The following HNRNPUL2 variants were observed in gnomAD, a reference collection of about 807,000 sequenced individuals.
The protein encoded by HNRNPUL2 is heterogeneous nuclear ribonucleoprotein U-like protein 2.
A neutral mutation model predicts 102.2 loss-of-function variants in HNRNPUL2; 27 were observed. The ratio of observed to expected loss-of-function variants is 0.26; its 90% CI spans 0.19 to 0.36. The LOEUF (loss-of-function observed/expected upper bound fraction) is 0.36, where lower values mean the gene tolerates loss of function less well. Among genes scored for constraint, HNRNPUL2 ranks in the 10% least tolerant of loss-of-function variants. HNRNPUL2 has a pLI of 1.00. For missense variants in HNRNPUL2, 936 were observed against 981.1 expected (o/e 0.95, Z 0.61); for synonymous variants, 458 against 387.2 (o/e 1.18, Z -2.15).
At chr11:62,724,021 T>C (rs1017703732) in intron 2 of HNRNPUL2, 31 bp from the exon 3 acceptor site, 18 of 1,563,264 alleles carry the variant, frequency 1.2e-5, no homozygotes, top group Admixed American at 3.4e-5. Context: ...AGAAACACAA[T>C]GTAAACAAAG....
chr11:62,719,106 G>A (rs2083681793), intron 10 of HNRNPUL2, among the ~76,000 whole-genome samples: 1 of 152,032 alleles, frequency 6.6e-6, no homozygotes, highest in Admixed American at 6.6e-5. Flanking sequence ...GATTACAGGC[G>A]TCAGCCACCG....
chr11:62,717,618 G>A (rs1402968681), intron 10 of HNRNPUL2, among the ~76,000 whole-genome samples: 1 of 152,244 alleles, frequency 6.6e-6, no homozygotes, highest in Non-Finnish European at 1.5e-5. Context: ...CATTTTGGGA[G>A]GCCAAGGCAG....
At chr11:62,725,861 T>G (rs1379496505) in intron 1 of HNRNPUL2, among the ~76,000 whole-genome samples, 1 of 152,172 alleles carries the variant, frequency 6.6e-6, no homozygotes, top group Non-Finnish European at 1.5e-5. Flanking sequence ...CCTCAGTCAT[T>G]ACCATTCAGG....
Position 62,715,951 on chromosome 11 carries a change from G to T in HNRNPUL2, c.1982-14C>A. 1.3e-6 allele frequency: 2 copies of T among 1,586,904 alleles called. No homozygotes were observed. The highest frequency in any genetic ancestry group is 8.6e-7 in the Non-Finnish European group (1 of 1,164,540). ...GCTGCCCGCCCACTGGAAGAGAAAT[G>T]GAGAGCGCGCTCAGACAGCTGGCAT... On this transcript the variant is annotated splice_polypyrimidine_tract_variant and intron_variant, in intron 11 of 13. Transcript: ENST00000301785.
chr11:62,715,520 A>G lies in HNRNPUL2; in HGVS notation c.2143T>C (p.Tyr715His). 6.2e-7 allele frequency: 1 copy of G among 1,611,590 alleles called. No individual in the cohort carries two copies. The highest frequency in any genetic ancestry group is 8.5e-7 in the Non-Finnish European group (1 of 1,177,906). The change falls in exon 13 of 14, where the codon TAC becomes CAC. Residue 715 changes from tyrosine to histidine, a missense_variant. Transcript: ENST00000301785. ...DYEYNRYRDY[Y>H]RQYNRDWQSY... The stretch of plus-strand genomic sequence containing the variant: ...CTCACATCCCGATTGTATTGTCTGT[A>G]ATAGTCTCTGTATCTGTTGTACTCA...
In HNRNPUL2 at chr11:62,712,948, T is replaced by A. The variant is rs1176456894; in HGVS notation, c.*2351A>T. 1 of 152,200 alleles carries A rather than the reference T, an allele frequency of 6.6e-6. No individual in the cohort carries two copies. Among genetic ancestry groups the A allele is most frequent in the African/African-American group, 2.4e-5 (1 of 41,442 alleles). The allele number at this position is 152,200 out of a possible 1,614,324, so 9.4% of individuals were successfully genotyped here. On this transcript the variant is annotated 3_prime_UTR_variant, in exon 14 of 14. Coordinates refer to ENST00000301785, the MANE Select transcript of HNRNPUL2 (RefSeq NM_001079559.3). ...AGGCTAGGGATTCCTCTGGTTACCA[T>A]AATCCACATTTTCCCCCTTAACATA...
At chr11:62,722,492 C>T in intron 6 of HNRNPUL2, 109 bp downstream of exon 6, 2 of 1,435,086 alleles carry the variant, frequency 1.4e-6, no homozygotes, top group Non-Finnish European at 1.9e-6. Flanking sequence ...ACTAAGCGAG[C>T]CACACACATC....
rs2083632576 is a variant in HNRNPUL2, at chr11:62,713,205, C to T, written c.*2094G>A. ...AGTTTAGTCCCCTTGCCCCTAAGGG[C>T]CCTAGCATCCCCATCCATGTCACAG... On this transcript the variant is annotated 3_prime_UTR_variant, in exon 14 of 14. Transcript: ENST00000301785. 1 of 152,186 alleles carries T rather than the reference C, an allele frequency of 6.6e-6. No homozygotes were observed. The highest frequency in any genetic ancestry group is 6.5e-5 in the Admixed American group (1 of 15,288). The allele number at this position is 152,186 out of a possible 1,614,324, so 9.4% of individuals were successfully genotyped here.
In HNRNPUL2 at chr11:62,713,414, A is replaced by T. The variant is rs915741692; in HGVS notation, c.*1885T>A. ...TTTCTCAAACTCCCTTAATAATAAT[A>T]CAAAGTTAATGTGTTACAGAAAAAT... On this transcript the variant is annotated 3_prime_UTR_variant, in exon 14 of 14. Transcript: ENST00000301785. 1.3e-5 allele frequency: 2 copies of T among 152,212 alleles called. No homozygotes were observed. The highest frequency in any genetic ancestry group is 2.9e-5 in the Non-Finnish European group (2 of 68,040). 9.4% of individuals were successfully genotyped at this position (152,212 alleles called of 1,614,324 possible). A position where few individuals can be genotyped will look rare whatever the true frequency, so the allele number is the denominator to read the frequency against.
chr11:62,715,758 G>A, intron 12 of HNRNPUL2, 106 bp downstream of exon 12: 2 of 1,202,678 alleles, frequency 1.7e-6, no homozygotes, highest in Admixed American at 1.9e-5. Context: ...TATTAAATGG[G>A]CAAAACCCTA....
rs915725063 is a variant in HNRNPUL2, at chr11:62,713,689, C to G, written c.*1610G>C. On this transcript the variant is annotated 3_prime_UTR_variant, in exon 14 of 14. Transcript: ENST00000301785. ...AACAGTGGGAGGAGGAGAGGAAGAC[C>G]AAATCAGCCCACAATTTTAAACAGA... The G allele has an allele frequency of 4.6e-5, 7 of 152,252 alleles. No individual in the cohort carries two copies. The highest frequency in any genetic ancestry group is 1.4e-4 in the African/African-American group (6 of 41,410). 9.4% of individuals were successfully genotyped at this position (152,252 alleles called of 1,614,324 possible). A position where few individuals can be genotyped will look rare whatever the true frequency, so the allele number is the denominator to read the frequency against.
rs962776202 is a variant in HNRNPUL2 at position 62,713,788 on chromosome 11, G to GT, written c.*1510dup. Reference sequence around the variant, plus strand: ...GATTTTCTCACTAGGAACTGCTGCAGTATGTGGTGTCTGCTGAGTAAGCTC... The same window carrying GT: ...GATTTTCTCACTAGGAACTGCTGCAGTTATGTGGTGTCTGCTGAGTAAGCTC... On this transcript the variant is annotated 3_prime_UTR_variant, in exon 14 of 14. Transcript: ENST00000301785. The GT allele has an allele frequency of 6.6e-6, 1 of 152,278 alleles. No individual in the cohort carries two copies. The highest frequency in any genetic ancestry group is 1.5e-5 in the Non-Finnish European group (1 of 68,070). The allele number at this position is 152,278 out of a possible 1,614,324, so 9.4% of individuals were successfully genotyped here.
Position 62,715,261 on chromosome 11 carries a change from T to C in HNRNPUL2, c.*38A>G. 6.5e-7 allele frequency: 1 copy of C among 1,538,058 alleles called. No individual in the cohort carries two copies. The highest frequency in any genetic ancestry group is 8.9e-7 in the Non-Finnish European group (1 of 1,124,648). On this transcript the variant is annotated 3_prime_UTR_variant, in exon 14 of 14. Transcript: ENST00000301785. ...CGGGGGTGCCTGGCACCCCCAGAGA[T>C]TCAGCTTCATGGCTGACAGGTGACC... is the stretch of plus-strand genomic sequence containing the variant.
At position 62,712,638 on chromosome 11, in the gene HNRNPUL2, A is replaced by G. The variant is rs2083628621; in HGVS notation, c.*2661T>C. The G allele has an allele frequency of 6.6e-6, 1 of 152,224 alleles. No homozygotes were observed. The highest frequency in any genetic ancestry group is 1.5e-5 in the Non-Finnish European group (1 of 68,040). 9.4% of individuals were successfully genotyped at this position (152,224 alleles called of 1,614,324 possible). A position where few individuals can be genotyped will look rare whatever the true frequency, so the allele number is the denominator to read the frequency against. On this transcript the variant is annotated 3_prime_UTR_variant, in exon 14 of 14. Transcript: ENST00000301785. ...AGCCACAGGAGATAGGGTGAATTCAATCCAAATGGTTATTTATTCTAAAAC... is the reference window on the plus strand; with the variant it reads ...AGCCACAGGAGATAGGGTGAATTCAGTCCAAATGGTTATTTATTCTAAAAC...
intron 1 of HNRNPUL2, among the ~76,000 whole-genome samples, chr11:62,725,710 T>C (rs141719762): frequency 3.9e-5 from 6 of 152,226 alleles, no homozygotes; most frequent in Admixed American, 1.3e-4. Context: ...GTAAGACTTA[T>C]CCTCCCTACT....
Position 62,715,355 on chromosome 11 carries a change from G to A in HNRNPUL2, c.2188C>T (p.Pro730Ser). The A allele has an allele frequency of 1.2e-6, 2 of 1,613,198 alleles. No homozygotes were observed. Among genetic ancestry groups the A allele is most frequent in the Middle Eastern group, 1.7e-4 (1 of 6,058 alleles). Residue 730 changes from proline to serine, a missense_variant, in exon 14 of 14, where the codon CCC (proline) becomes TCC (serine). Around this residue, in one of 2 missense-constraint regions of HNRNPUL2, gnomAD observed 609 missense variants for 713.0 expected, o/e 0.85. Transcript: ENST00000301785. ...CTGTAGTATCGGTCTCTGTCCTGGG[G>A]GTGGTGGTAGTAGTAACTCTGCCAC... ...RDWQSYYYHH[P>S]QDRDRYYRNY...
At chr11:62,725,081 G>A (rs1229240516) in intron 1 of HNRNPUL2, among the ~76,000 whole-genome samples, 1 of 152,190 alleles carries the variant, frequency 6.6e-6, no homozygotes, top group East Asian at 1.9e-4. Context: ...AGGTGTTGTT[G>A]TATATTTAGC....
In HNRNPUL2 at chr11:62,715,313, G is replaced by C; in HGVS notation, c.2230C>G (p.Gln744Glu). ...DRYYRNYYGY[Q>E]GYR ...TGGCAGGGGCTTCACCGATACCCTT[G>C]GTACCCGTAGTAATTCCTGTAGTAT... Residue 744 changes from glutamine to glutamate, a missense_variant, in exon 14 of 14, where the codon CAA becomes GAA. Around this residue, in one of 2 missense-constraint regions of HNRNPUL2, gnomAD observed 609 missense variants for 713.0 expected, o/e 0.85. Transcript: ENST00000301785. The C allele has an allele frequency of 1.2e-6, 2 of 1,612,748 alleles. No homozygotes were observed. The highest frequency in any genetic ancestry group is 1.1e-5 in the South Asian group (1 of 90,984).
In HNRNPUL2 at chr11:62,715,572, G is replaced by C. The variant is rs1307332888; in HGVS notation, c.2091C>G (p.Asp697Glu). The C allele has an allele frequency of 1.9e-6, 3 of 1,612,984 alleles. No individual in the cohort carries two copies. The change falls in exon 13 of 14, where the codon GAC becomes GAG. Residue 697 changes from aspartate (D) to glutamate (E), a missense_variant. Transcript: ENST00000301785. ...AATCTCGCCCGTAAAATCGATCATA[G>C]TCTCCCCTGTATCGATCATAGAAAT... ...YRNFYDRYRG[D>E]YDRFYGRDYE...
Sources: gnomAD v4.1 joint callset for allele counts (sites outside exome capture counted in the v4.1 genomes callset) on GRCh38, gnomAD v4.1.1 for gene constraint, gnomAD v4.1.1 regional missense constraint, MANE v1.5 for transcripts, NCBI Gene and HGNC (gene_info 2026-07-23, HGNC 2026-07-21) for gene names.